SVEP1: variants seen among roughly 807,000 people sequenced by gnomAD.
The protein encoded by SVEP1 is sushi, von Willebrand factor type A, EGF and pentraxin domain containing 1.
SVEP1 carries 164 observed loss-of-function variants against 367.3 expected under a neutral mutation model. The ratio of observed to expected loss-of-function variants is 0.45; its 90% CI spans 0.39 to 0.51. The LOEUF (loss-of-function observed/expected upper bound fraction) is 0.51. Ranked by LOEUF, SVEP1 falls within the 20% of genes least tolerant of loss-of-function variation. The pLI, the probability that SVEP1 is intolerant of heterozygous loss-of-function variation, is 0.00. For synonymous variants in SVEP1, 1,666 were observed against 1,611.6 expected (o/e 1.03, Z -0.81); for missense variants, 4,117 against 4,425.3 (o/e 0.93, Z 1.98).
intron 21 of SVEP1, among the ~76,000 whole-genome samples, chr9:110,456,986 C>T (rs1477130623): frequency 6.6e-6 from 1 of 152,100 alleles, no homozygotes; most frequent in Non-Finnish European, 1.5e-5. Flanking sequence ...GAACATGACC[C>T]CTGTATTTCA....
chr9:110,534,485 A>G (rs1830056850), intron 3 of SVEP1, among the ~76,000 whole-genome samples: 1 of 152,160 alleles, frequency 6.6e-6, no homozygotes, highest in South Asian at 2.1e-4. Flanking sequence ...TGCAATAAAC[A>G]TTTGCATGCA....
intron 36 of SVEP1, among the ~76,000 whole-genome samples, 162 bp from the exon 37 acceptor site, chr9:110,411,897 A>C (rs528412296): frequency 2.5e-4 from 38 of 152,324 alleles, no homozygotes; most frequent in African/African-American, 8.9e-4. Context: ...AATGACTTTC[A>C]CTTGAGATAT....
chr9:110,551,194 A>G (rs1177443374), intron 1 of SVEP1, among the ~76,000 whole-genome samples: 1 of 152,218 alleles, frequency 6.6e-6, no homozygotes, highest in Non-Finnish European at 1.5e-5. Flanking sequence ...AGATATTGTG[A>G]TTTTTAAAAT....
At chr9:110,425,588 C>G (rs1282733251) in intron 36 of SVEP1, among the ~76,000 whole-genome samples, 1 of 152,182 alleles carries the variant, frequency 6.6e-6, no homozygotes, top group Non-Finnish European at 1.5e-5. Flanking sequence ...TGAGATGATT[C>G]ACATAGAATT....
chr9:110,423,139 A>AAAAAAAT (rs1828191629), intron 36 of SVEP1, among the ~76,000 whole-genome samples: 5 of 141,784 alleles, frequency 3.5e-5, no homozygotes, highest in Non-Finnish European at 7.6e-5. Flanking sequence ...ATAATAATAA[A>AAAAAAAT]AAAAAAATAA....
At chr9:110,542,731 C>T (rs954296888) in intron 3 of SVEP1, among the ~76,000 whole-genome samples, 1 of 147,220 alleles carries the variant, frequency 6.8e-6, no homozygotes, top group Non-Finnish European at 1.5e-5. Flanking sequence ...GGAGAACATC[C>T]TCAACATTTA....
intron 3 of SVEP1, among the ~76,000 whole-genome samples, chr9:110,534,238 C>T (rs1255100936): frequency 6.6e-6 from 1 of 152,132 alleles, no homozygotes; most frequent in Non-Finnish European, 1.5e-5. Flanking sequence ...TTCATGACGT[C>T]TCATCATTTA....
chr9:110,543,384 T>C (rs994241461), intron 3 of SVEP1, among the ~76,000 whole-genome samples: 7 of 152,202 alleles, frequency 4.6e-5, no homozygotes, highest in Admixed American at 1.3e-4. Flanking sequence ...AACTAATCCT[T>C]ATGTGCCTGG....
chr9:110,417,279 C>T (rs1266075464), intron 36 of SVEP1, among the ~76,000 whole-genome samples: 2 of 139,972 alleles, frequency 1.4e-5, no homozygotes, highest in Non-Finnish European at 3.1e-5. Context: ...CGAGCCGAAG[C>T]AGGGCGAGGC....
At chr9:110,384,167 C>G (rs1052648021) in intron 43 of SVEP1, among the ~76,000 whole-genome samples, 2 of 152,162 alleles carry the variant, frequency 1.3e-5, no homozygotes, top group African/African-American at 2.4e-5. Context: ...GTGGCGTGGG[C>G]TCATGAGGGG....
intron 5 of SVEP1, among the ~76,000 whole-genome samples, chr9:110,505,516 C>A (rs1465932666): frequency 6.6e-6 from 1 of 152,088 alleles, no homozygotes; most frequent in African/African-American, 2.4e-5. Flanking sequence ...CTTGATTGCC[C>A]TAATAAAAAT....
intron 36 of SVEP1, among the ~76,000 whole-genome samples, chr9:110,413,594 A>G (rs1271807487): frequency 6.6e-6 from 1 of 152,010 alleles, no homozygotes; most frequent in Admixed American, 6.5e-5. Context: ...CTGCTATTCA[A>G]TCAGTATGAA....
At chr9:110,393,177 T>C (rs777366492) in intron 40 of SVEP1, among the ~76,000 whole-genome samples, 71 of 152,214 alleles carry the variant, frequency 4.7e-4, no homozygotes, top group Non-Finnish European at 7.3e-4. Context: ...TTACTTTTCT[T>C]CTTAATAAAT....
chr9:110,464,256 G>A (rs990134794), intron 18 of SVEP1, among the ~76,000 whole-genome samples: 1 of 152,114 alleles, frequency 6.6e-6, no homozygotes, highest in Admixed American at 6.5e-5. Context: ...CAACAGACAT[G>A]GTTTATGCGT....
intron 6 of SVEP1, among the ~76,000 whole-genome samples, chr9:110,501,510 G>T (rs189377539): frequency 1.3e-5 from 2 of 151,564 alleles, no homozygotes; most frequent in African/African-American, 4.8e-5. Flanking sequence ...TTTGTTGTGG[G>T]GGGGGCAGGC....
chr9:110,439,908 C>A (rs1331445285), intron 27 of SVEP1, among the ~76,000 whole-genome samples: 1 of 152,130 alleles, frequency 6.6e-6, no homozygotes, highest in Admixed American at 6.5e-5. Context: ...TTCCTTCAAT[C>A]TACTTTTTAC....
chr9:110,436,560 T>A (rs1828433531), intron 27 of SVEP1, 56 bp from the exon 28 acceptor site: 1 of 1,555,662 alleles, frequency 6.4e-7, no homozygotes, highest in Non-Finnish European at 8.7e-7. Context: ...GGTCTGTTAT[T>A]CCTAAAATCC....
At chr9:110,494,831 C>A (rs1271535328) in intron 8 of SVEP1, among the ~76,000 whole-genome samples, 1 of 151,864 alleles carries the variant, frequency 6.6e-6, no homozygotes. Flanking sequence ...ATAAAGAAAC[C>A]CAATTATTTA....
chr9:110,528,156 G>GTGTGTGTGTGTGTGTATATATA, intron 3 of SVEP1, among the ~76,000 whole-genome samples: 3 of 33,950 alleles, frequency 8.8e-5, no homozygotes, highest in South Asian at 9.7e-4. Flanking sequence ...GTGTGTGTGT[G>GTGTGTGTGTGTGTGTATATATA]TATATATATA....
Sources: allele counts gnomAD v4.1 joint callset (sites outside exome capture counted in the v4.1 genomes callset), GRCh38; gene constraint gnomAD v4.1.1; transcripts MANE v1.5; gene names NCBI Gene and HGNC (gene_info 2026-07-23, HGNC 2026-07-21).